The following TMEM132D variants were observed in gnomAD, a reference collection of about 807,000 sequenced individuals.
The protein encoded by TMEM132D is mature OL transmembrane protein.
TMEM132D carries 21 observed loss-of-function variants against 62.3 expected under a neutral mutation model. That is an observed-to-expected ratio of 0.34 (90% CI 0.24 to 0.49). TMEM132D has a LOEUF of 0.49. Ranked by LOEUF, TMEM132D falls within the 20% of genes least tolerant of loss-of-function variation. The probability of loss-of-function intolerance (pLI) is 0.99; values close to 1 mark genes in which losing one functional copy is unlikely to be tolerated. For synonymous variants in TMEM132D, 621 were observed against 575.6 expected (o/e 1.08, Z -1.13); for missense variants, 1,346 against 1,402.8 (o/e 0.96, Z 0.65).
At chr12:129,075,485 TTTTTAAGTTG>T (rs1874221239) in intron 8 of TMEM132D, among the ~76,000 whole-genome samples, 1 of 152,222 alleles carries the variant, frequency 6.6e-6, no homozygotes, top group South Asian at 2.1e-4. Context: ...TATTACATTA[TTTTTAAGTTG>T]TAATACTGAG....
intron 8 of TMEM132D, among the ~76,000 whole-genome samples, chr12:129,076,090 A>ACTCTCCCT (rs1874245230): frequency 6.6e-6 from 1 of 151,504 alleles, no homozygotes; most frequent in African/African-American, 2.4e-5. Flanking sequence ...AGCCAGCATT[A>ACTCTCCCT]CTCTCTCTCT....
chr12:129,723,659 C>T (rs2137246326), intron 1 of TMEM132D, among the ~76,000 whole-genome samples: 1 of 152,350 alleles, frequency 6.6e-6, no homozygotes, highest in Non-Finnish European at 1.5e-5. Context: ...GACCCTTGCT[C>T]ACAGGGCTAA....
intron 5 of TMEM132D, among the ~76,000 whole-genome samples, chr12:129,114,338 A>G (rs1875819031): frequency 6.6e-6 from 1 of 152,048 alleles, no homozygotes; most frequent in Non-Finnish European, 1.5e-5. Flanking sequence ...CCCCACCACA[A>G]ACAATTATCC....
chr12:129,700,281 G>T lies in TMEM132D; in HGVS notation c.497C>A (p.Pro166Gln), dbSNP rs1313754651. Residue 166 changes from proline to glutamine, a missense_variant, in exon 2 of 9, where the codon CCG becomes CAG. Physicochemically the swap from Pro to Gln is moderately conservative, Grantham distance 76. Transcript: ENST00000422113. The part of the protein sequence containing the change: ...WDDRSAGEKL[P>Q]CLRVFAFRET... ...TCGGAAAGCAAAGACCCTCAGGCAC[G>T]GCAGCTTCTCCCCGGCGCTGCGGTC... 1.9e-6 allele frequency: 3 copies of T among 1,613,568 alleles called. No homozygotes were observed. Among genetic ancestry groups the T allele is most frequent in the Non-Finnish European group, 2.5e-6 (3 of 1,179,992 alleles).
chr12:129,149,019 C>T (rs1298916926), intron 5 of TMEM132D, among the ~76,000 whole-genome samples: 1 of 151,900 alleles, frequency 6.6e-6, no homozygotes, highest in African/African-American at 2.4e-5. Flanking sequence ...TGCTGCCCCT[C>T]ATATGCCCCA....
intron 1 of TMEM132D, chr12:129,853,733 C>T (rs571571073): frequency 6.6e-6 from 1 of 152,190 alleles, no homozygotes; most frequent in East Asian, 1.9e-4. Context: ...AGTGGGTCCC[C>T]TCTGAATGCC....
intron 2 of TMEM132D, among the ~76,000 whole-genome samples, chr12:129,649,886 A>C (rs1425766116): frequency 6.7e-6 from 1 of 149,542 alleles, no homozygotes; most frequent in Non-Finnish European, 1.5e-5. Context: ...ATGTGTGTAT[A>C]TGTGTGTTTG....
intron 1 of TMEM132D, among the ~76,000 whole-genome samples, chr12:129,886,876 T>C (rs538847322): frequency 1.3e-5 from 2 of 152,264 alleles, no homozygotes; most frequent in East Asian, 3.9e-4. Context: ...TAGAGGCTTT[T>C]CCCCCTTTTG....
At chr12:129,824,868 T>G (rs1872621929) in intron 1 of TMEM132D, among the ~76,000 whole-genome samples, 1 of 152,182 alleles carries the variant, frequency 6.6e-6, no homozygotes, top group Admixed American at 6.5e-5. Flanking sequence ...CTGGCAAGTA[T>G]TTCTTCTGTT....
chr12:129,530,483 T>G (rs987253174), intron 3 of TMEM132D, among the ~76,000 whole-genome samples: 4 of 152,204 alleles, frequency 2.6e-5, no homozygotes, highest in Non-Finnish European at 5.9e-5. Context: ...CAGCTGTGAA[T>G]TGATTGTTTC....
chr12:129,410,906 C>A (rs1290380723), intron 3 of TMEM132D, among the ~76,000 whole-genome samples: 1 of 152,126 alleles, frequency 6.6e-6, no homozygotes, highest in East Asian at 1.9e-4. Flanking sequence ...TCATTTCTAG[C>A]AGTTTTGTTG....
intron 4 of TMEM132D, among the ~76,000 whole-genome samples, chr12:129,271,552 C>T (rs1044390974): frequency 2.0e-5 from 3 of 151,464 alleles, no homozygotes; most frequent in Admixed American, 2.0e-4. Context: ...TAATGCTCTC[C>T]CTCCCCTTGC....
intron 4 of TMEM132D, among the ~76,000 whole-genome samples, chr12:129,233,519 G>C (rs1388610616): frequency 3.3e-5 from 5 of 152,146 alleles, no homozygotes; most frequent in Non-Finnish European, 2.9e-5. Context: ...CTCGTATGTT[G>C]GAGGAAGTCT....
intron 4 of TMEM132D, among the ~76,000 whole-genome samples, chr12:129,317,569 T>C (rs1868527315): frequency 2.0e-5 from 3 of 152,234 alleles, no homozygotes; most frequent in African/African-American, 7.2e-5. Flanking sequence ...CTCGCAGCTC[T>C]TAAGATTCTT....
At chr12:129,127,672 C>T (rs1051692653) in intron 5 of TMEM132D, among the ~76,000 whole-genome samples, 13 of 152,028 alleles carry the variant, frequency 8.6e-5, no homozygotes, top group African/African-American at 2.7e-4. Flanking sequence ...ACTTCTACAC[C>T]GAGAAAGAAG....
At chr12:129,270,668 T>C (rs955560530) in intron 4 of TMEM132D, among the ~76,000 whole-genome samples, 6 of 152,168 alleles carry the variant, frequency 3.9e-5, no homozygotes, top group African/African-American at 1.4e-4. Context: ...TGTGAGAGTG[T>C]GCCAAGAGAA....
intron 6 of TMEM132D, among the ~76,000 whole-genome samples, chr12:129,083,809 A>G (rs1565957893): frequency 6.6e-6 from 1 of 152,228 alleles, no homozygotes; most frequent in Non-Finnish European, 1.5e-5. Context: ...CTGTGAATGA[A>G]GAGCCTGAGC....
At chr12:129,285,226 G>C (rs1386247232) in intron 4 of TMEM132D, among the ~76,000 whole-genome samples, 1 of 151,998 alleles carries the variant, frequency 6.6e-6, no homozygotes, top group Non-Finnish European at 1.5e-5. Context: ...GAAGATGAGA[G>C]AGAGGCTCTA....
intron 3 of TMEM132D, among the ~76,000 whole-genome samples, chr12:129,470,645 C>T (rs568289100): frequency 2.4e-4 from 37 of 152,246 alleles, no homozygotes; most frequent in African/African-American, 7.9e-4. Flanking sequence ...TTGTGCAAAT[C>T]GTAAAGAGTT....
Sources: gnomAD v4.1 joint callset for allele counts (sites outside exome capture counted in the v4.1 genomes callset) on GRCh38, gnomAD v4.1.1 for gene constraint, MANE v1.5 for transcripts, NCBI Gene and HGNC (gene_info 2026-07-23, HGNC 2026-07-21) for gene names.